Variants in KDM4B observed in about 807,000 individuals in gnomAD.
KDM4B encodes the protein lysine demethylase 4B.
A neutral mutation model predicts 125.2 loss-of-function variants in KDM4B; 32 were observed. The ratio of observed to expected loss-of-function variants is 0.26; its 90% confidence interval spans 0.19 to 0.34. KDM4B has a LOEUF of 0.34. Ranked by LOEUF, KDM4B falls within the 10% of genes least tolerant of loss-of-function variation. The pLI is 1.00. For missense variants in KDM4B, 1,190 were observed against 1,577.7 expected (o/e 0.75, Z 4.16); for synonymous variants, 721 against 677.9 (o/e 1.06, Z -0.99).
rs550207653 is a variant in KDM4B, at chr19:5,142,160, C to T, written c.2551-1807C>T. 1.8e-4 allele frequency among the ~76,000 whole-genome samples: 28 copies of T among 152,224 alleles called. No individual in the cohort carries two copies. In the South Asian group the frequency reaches 2.1e-3, roughly 11 times the overall value. On this transcript the variant is annotated intron_variant, in intron 18 of 22. Transcript: ENST00000159111. This position sits in a 1 kb window ranked among gnomAD's most constrained non-coding sequence, Gnocchi z 5.4. ...GTCGTCCTCACAGCCCTGTGGCCTC[C>T]GAGGAAGGACACCGAGCCGGGAACT...
rs1181746897 is a variant in KDM4B, at chr19:5,034,042, G to A, written c.141+1011G>A. ...CCAGCTACTCGGGAGGCTGAGGCGGGAGGATCACTTGAGCCAGGGAGGTTG... is the reference window on the plus strand; with the variant it reads ...CCAGCTACTCGGGAGGCTGAGGCGGAAGGATCACTTGAGCCAGGGAGGTTG... On this transcript the variant is annotated intron_variant, in intron 3 of 22. Coordinates refer to ENST00000159111, the MANE Select transcript of KDM4B (RefSeq NM_015015.3). Among the ~76,000 whole-genome samples the A allele has an allele frequency of 2.0e-5, 3 of 152,332 alleles. No homozygotes were observed. In the East Asian group the frequency reaches 5.8e-4, roughly 29 times the overall value.
At chr19:5,038,886 T>A (rs2036716830) in intron 3 of KDM4B, among the ~76,000 whole-genome samples, 1 of 152,256 alleles carries the variant, frequency 6.6e-6, no homozygotes, top group Non-Finnish European at 1.5e-5. Context: ...CACTTCCTGT[T>A]GGCTCACTCC....
At chr19:5,083,508 G>A (rs922956944) in intron 9 of KDM4B, among the ~76,000 whole-genome samples, 1 of 152,216 alleles carries the variant, frequency 6.6e-6, no homozygotes, top group Non-Finnish European at 1.5e-5. Context: ...GGGGGCTGGG[G>A]AGCCTCCTCC....
At chr19:5,127,563 CAG>C (rs1444186283) in intron 11 of KDM4B, among the ~76,000 whole-genome samples, 10 of 152,186 alleles carry the variant, frequency 6.6e-5, no homozygotes, top group South Asian at 2.1e-4. Context: ...TGTCTCCAGA[CAG>C]GGGATGGGGT....
chr19:5,042,696 T>A (rs922224862), intron 5 of KDM4B, among the ~76,000 whole-genome samples: 1 of 150,360 alleles, frequency 6.7e-6, no homozygotes, highest in Non-Finnish European at 1.5e-5. Context: ...GGGGGCGCCG[T>A]AGGCTTTTCA....
intron 10 of KDM4B, chr19:5,118,986 G>C: frequency 1.6e-6 from 1 of 621,346 alleles, no homozygotes; most frequent in Non-Finnish European, 2.8e-6. Context: ...GTGAGCTGGG[G>C]CTCCCATGCA....
At chr19:5,008,906 CTTTTTTTTTTTTT>C (rs200928850) in intron 1 of KDM4B, among the ~76,000 whole-genome samples, 35,734 of 104,762 alleles carry the variant, frequency 0.34, 5,993 homozygotes, top group East Asian at 0.7. Flanking sequence ...TGGCCCCTGC[CTTTTTTTTTTTTT>C]TTTTTTTTTT....
At chr19:5,099,585 T>A (rs892349285) in intron 9 of KDM4B, among the ~76,000 whole-genome samples, 6 of 152,264 alleles carry the variant, frequency 3.9e-5, no homozygotes, top group Non-Finnish European at 8.8e-5. Context: ...GGAGTTGCTT[T>A]GGCCTCCACA....
At position 5,151,838 on chromosome 19, in the gene KDM4B, A is replaced by G. The variant is rs1353279918; in HGVS notation, c.*327A>G. 1.4e-5 allele frequency: 4 copies of G among 293,420 alleles called. No homozygotes were observed. Among genetic ancestry groups the G allele is most frequent in the Admixed American group, 1.0e-4 (2 of 19,426 alleles). The allele number at this position is 293,420 out of a possible 1,614,324, so 18.2% of individuals were successfully genotyped here. A position where few individuals can be genotyped will look rare whatever the true frequency, so the allele number is the denominator to read the frequency against. On this transcript the variant is annotated 3_prime_UTR_variant, in exon 23 of 23. Transcript: ENST00000159111. The stretch of plus-strand genomic sequence containing the variant: ...ACCTTTGAGATTGTCACTTCTGTAC[A>G]TAAACCACCTTTGTGAGGCTCTTTC...
intron 6 of KDM4B, among the ~76,000 whole-genome samples, chr19:5,057,462 C>G (rs858417): frequency 2.9e-4 from 44 of 152,348 alleles, no homozygotes; most frequent in African/African-American, 1.0e-3. Context: ...TGGGCTGTTT[C>G]CAGCATGAGG....
intron 1 of KDM4B, 144 bp from the exon 2 acceptor site, chr19:5,016,113 T>A (rs1408148850): frequency 2.0e-5 from 3 of 152,224 alleles, no homozygotes; most frequent in Admixed American, 2.0e-4. Context: ...GATTTTTGTC[T>A]TGTTAAAAAT....
intron 9 of KDM4B, among the ~76,000 whole-genome samples, chr19:5,108,333 G>C (rs914031624): frequency 6.6e-6 from 1 of 152,218 alleles, no homozygotes; most frequent in Non-Finnish European, 1.5e-5. Context: ...TTTCTCTCCT[G>C]TGCTATCTTT....
At chr19:5,042,008 G>A (rs1433846064) in intron 5 of KDM4B, among the ~76,000 whole-genome samples, 1 of 152,238 alleles carries the variant, frequency 6.6e-6, no homozygotes, top group Non-Finnish European at 1.5e-5. Flanking sequence ...AAGTGAGCCC[G>A]CCCTGGAGAA....
chr19:5,056,676 C>T (rs918975088), intron 6 of KDM4B, among the ~76,000 whole-genome samples: 1 of 152,260 alleles, frequency 6.6e-6, no homozygotes, highest in Non-Finnish European at 1.5e-5. Flanking sequence ...AAAGTGCTGG[C>T]GTTACAGACG....
intron 6 of KDM4B, among the ~76,000 whole-genome samples, chr19:5,049,627 C>T (rs1416514239): frequency 1.3e-5 from 2 of 152,062 alleles, no homozygotes; most frequent in Non-Finnish European, 1.5e-5. Context: ...CACGCAGGGC[C>T]CCTTCCCTGC....
intron 16 of KDM4B, 140 bp from the exon 17 acceptor site, chr19:5,137,480 GA>G (rs2039669722): frequency 8.3e-7 from 1 of 1,203,978 alleles, no homozygotes; most frequent in Non-Finnish European, 1.2e-6. Flanking sequence ...GAACCCAAGG[GA>G]TTCCCACCCG....
At position 5,109,531 on chromosome 19, in the gene KDM4B, A is replaced by G. The variant is rs966526632; in HGVS notation, c.919-1091A>G. On this transcript the variant is annotated intron_variant, in intron 9 of 22. Coordinates refer to ENST00000159111, the MANE Select transcript of KDM4B (RefSeq NM_015015.3). ...CGGCAGGCAGCTGGAGGGGACTTCA[A>G]CTCATCCTTGCCACTCGCTTGACGT... 4.6e-5 allele frequency among the ~76,000 whole-genome samples: 7 copies of G among 151,740 alleles called. No homozygotes were observed. In the South Asian group the frequency reaches 6.2e-4, roughly 14 times the overall value.
chr19:5,014,849 G>A (rs191620263), intron 1 of KDM4B, among the ~76,000 whole-genome samples: 1,650 of 152,096 alleles, frequency 0.011, 42 homozygotes, highest in African/African-American at 0.037. Flanking sequence ...CAAAAAATTA[G>A]CCGGGCATGG....
chr19:5,068,260 C>G (rs1041406504), intron 6 of KDM4B, among the ~76,000 whole-genome samples: 2 of 152,172 alleles, frequency 1.3e-5, no homozygotes, highest in African/African-American at 4.8e-5. Flanking sequence ...CTCCCTGAGT[C>G]TCTTGTCCTG....
Sources: gnomAD v4.1 joint callset for allele counts (sites outside exome capture counted in the v4.1 genomes callset) on GRCh38, gnomAD v4.1.1 for gene constraint, Gnocchi (gnomAD v3.1) non-coding constraint, MANE v1.5 for transcripts, NCBI Gene and HGNC (gene_info 2026-07-23, HGNC 2026-07-21) for gene names.